The following DCAF8L2 variants were observed in gnomAD, a reference collection of about 807,000 sequenced individuals.
DCAF8L2 encodes the protein DDB1- and CUL4-associated factor 8-like protein 2.
For synonymous variants in DCAF8L2, 200 were observed against 190.9 expected (o/e 1.05, Z -0.39); for missense variants, 430 against 490.7 (o/e 0.88, Z 1.17).
chrX:27,646,486 T>C (rs918887635), intron 2 of DCAF8L2, among the ~76,000 whole-genome samples: 10 of 111,622 alleles, frequency 9.0e-5, no homozygotes, highest in Admixed American at 2.9e-4. Flanking sequence ...GGCAATACCA[T>C]GCAAAACATA....
chrX:27,558,799 C>T, the DCAF8L2 span, among the ~76,000 whole-genome samples: 5 of 101,257 alleles, frequency 4.9e-5, no homozygotes, highest in Non-Finnish European at 1.0e-4. Context: ...GTGATGTTCC[C>T]CTTCCTGTGT....
the DCAF8L2 span, among the ~76,000 whole-genome samples, chrX:27,490,456 T>G: frequency 9.2e-6 from 1 of 108,522 alleles, no homozygotes; most frequent in Admixed American, 9.7e-5. Flanking sequence ...TTGTTTTTTG[T>G]TTTTTGTTTT....
chrX:27,518,466 C>T, the DCAF8L2 span: 3 of 474,114 alleles, frequency 6.3e-6, no homozygotes, highest in South Asian at 3.0e-5. Context: ...GGGGGTCAGG[C>T]GTGGTGGCTC....
chrX:27,742,865 A>G (rs1212888320), intron 4 of DCAF8L2, among the ~76,000 whole-genome samples: 1 of 111,755 alleles, frequency 8.9e-6, no homozygotes, highest in Non-Finnish European at 1.9e-5. Flanking sequence ...GTCTGATCTA[A>G]GTGCTCAAAC....
At chrX:27,745,944 C>T (rs1184654434) in intron 4 of DCAF8L2, among the ~76,000 whole-genome samples, 3 of 111,381 alleles carry the variant, frequency 2.7e-5, no homozygotes, top group Non-Finnish European at 5.7e-5. Flanking sequence ...GTTGGTGTTC[C>T]CTAAGTATCT....
At chrX:27,689,303 G>C (rs955925271) in intron 3 of DCAF8L2, among the ~76,000 whole-genome samples, 2 of 112,449 alleles carry the variant, frequency 1.8e-5, no homozygotes, top group African/African-American at 6.5e-5. Context: ...GAGTGCAGTG[G>C]CATGATCTTG....
chrX:27,600,520 A>C (rs961483406), intron 1 of DCAF8L2, among the ~76,000 whole-genome samples: 5 of 112,178 alleles, frequency 4.5e-5, no homozygotes, highest in Non-Finnish European at 7.5e-5. Context: ...TATCAGATCA[A>C]GGCATTGAAA....
At chrX:27,511,521 A>G in the DCAF8L2 span, among the ~76,000 whole-genome samples, 5 of 112,046 alleles carry the variant, frequency 4.5e-5, no homozygotes, top group Admixed American at 1.9e-4. Context: ...AAATTAGAAG[A>G]AAGTTAAATT....
Position 27,742,761 on chromosome X carries a change from CA to C in DCAF8L2, c.-58-4076del, listed in dbSNP as rs1921931127. On this transcript the variant is annotated intron_variant, in intron 4 of 4. Transcript: ENST00000451261. ...ATAGTTACATACATAAAAACACCACCACTCAACAGGAAACTTTAATAATTCA... is the reference window on the plus strand; with the variant it reads ...ATAGTTACATACATAAAAACACCACCCTCAACAGGAAACTTTAATAATTCA... Among the ~76,000 whole-genome samples the C allele has an allele frequency of 2.7e-5, 3 of 111,583 alleles. No homozygotes were observed. In the South Asian group the frequency reaches 1.1e-3, roughly 42 times the overall value.
intron 3 of DCAF8L2, among the ~76,000 whole-genome samples, chrX:27,680,828 G>A (rs1430456528): frequency 8.9e-6 from 1 of 112,254 alleles, no homozygotes; most frequent in Admixed American, 9.5e-5. Context: ...ATCTTGATAT[G>A]TTTGAAAACT....
intron 1 of DCAF8L2, among the ~76,000 whole-genome samples, chrX:27,626,087 C>G (rs1247934047): frequency 9.0e-6 from 1 of 111,402 alleles, no homozygotes; most frequent in African/African-American, 3.3e-5. Flanking sequence ...TACCAGAGCC[C>G]AAGATCTGAG....
At chrX:27,500,737 G>A in the DCAF8L2 span, among the ~76,000 whole-genome samples, 2 of 111,512 alleles carry the variant, frequency 1.8e-5, no homozygotes, top group Non-Finnish European at 3.8e-5. Flanking sequence ...TGTATTAACT[G>A]TTATTACCTG....
intron 2 of DCAF8L2, among the ~76,000 whole-genome samples, chrX:27,662,787 T>C (rs916349465): frequency 2.7e-5 from 3 of 111,733 alleles, no homozygotes; most frequent in African/African-American, 9.7e-5. Context: ...ATAATCCAGA[T>C]GACCCATATA....
At chrX:27,562,884 C>T in the DCAF8L2 span, among the ~76,000 whole-genome samples, 2 of 111,912 alleles carry the variant, frequency 1.8e-5, no homozygotes, top group South Asian at 3.7e-4. Context: ...TTTTTCCTTC[C>T]ATAAAATCTG....
intron 3 of DCAF8L2, among the ~76,000 whole-genome samples, chrX:27,683,815 C>T (rs964248432): frequency 2.7e-5 from 3 of 111,915 alleles, no homozygotes; most frequent in African/African-American, 9.7e-5. Flanking sequence ...CCAGAGTTCC[C>T]CAGGAGGATC....
At chrX:27,697,053 G>A (rs989261391) in intron 3 of DCAF8L2, among the ~76,000 whole-genome samples, 2 of 111,550 alleles carry the variant, frequency 1.8e-5, no homozygotes, top group African/African-American at 6.6e-5. Flanking sequence ...TCTTTTAAAT[G>A]TATACAATAT....
At chrX:27,706,298 C>CT (rs1263869622) in intron 3 of DCAF8L2, among the ~76,000 whole-genome samples, 2 of 110,177 alleles carry the variant, frequency 1.8e-5, no homozygotes. Context: ...ATTTGGGCTC[C>CT]TTTTTTCATT....
intron 2 of DCAF8L2, among the ~76,000 whole-genome samples, chrX:27,672,964 T>C (rs1381753267): frequency 9.1e-6 from 1 of 110,436 alleles, no homozygotes; most frequent in East Asian, 2.9e-4. Flanking sequence ...TTAGGACATC[T>C]TCACTTAAAT....
chrX:27,471,124 C>G, the DCAF8L2 span, among the ~76,000 whole-genome samples: 5 of 111,771 alleles, frequency 4.5e-5, no homozygotes, highest in African/African-American at 1.6e-4. Flanking sequence ...TTCTTATCAT[C>G]TACTAAGTTT....
Sources: allele counts gnomAD v4.1 joint callset (sites outside exome capture counted in the v4.1 genomes callset), GRCh38; gene constraint gnomAD v4.1.1; transcripts MANE v1.5; gene names NCBI Gene and HGNC (gene_info 2026-07-23, HGNC 2026-07-21).